The following DCHS1 variants were observed in gnomAD, a reference collection of about 807,000 sequenced individuals.
The protein encoded by DCHS1 is protocadherin-16.
In DCHS1, 78 loss-of-function variants were observed where a neutral mutation model predicts 213.9. The observed-to-expected ratio is 0.36, with a 90% CI of 0.30 to 0.44. DCHS1 has a LOEUF of 0.44. DCHS1 is among the 20% of genes least tolerant of loss of function. The pLI is 1.00. For missense variants in DCHS1, 3,946 were observed against 4,395.9 expected, an observed-to-expected ratio of 0.90 and a Z score of 2.89; for synonymous variants, 1,828 against 1,873.7, an observed-to-expected ratio of 0.98 and a Z score of 0.63.
chr11:6,635,014 G>C (rs1281726800), intron 2 of DCHS1: 1 of 152,212 alleles, frequency 6.6e-6, no homozygotes, highest in Non-Finnish European at 1.5e-5. Flanking sequence ...ACTGTACTTA[G>C]AAAGAAGAAA....
chr11:6,632,604 C>CCTCCAG lies in DCHS1; in HGVS notation c.2902_2907dup (p.Leu968_Glu969dup). 1 of 1,522,974 alleles carries CCTCCAG rather than the reference C, an allele frequency of 6.6e-7. No homozygotes were observed. Among genetic ancestry groups the CCTCCAG allele is most frequent in the Non-Finnish European group, 8.8e-7 (1 of 1,130,776 alleles). 94.3% of individuals were successfully genotyped at this position (1,522,974 alleles called of 1,614,324 possible). A position where few individuals can be genotyped will look rare whatever the true frequency, so the allele number is the denominator to read the frequency against. On this transcript the variant is annotated inframe_insertion, in exon 6 of 21. Transcript: ENST00000299441. This position sits in a 1 kb window ranked among gnomAD's most constrained non-coding sequence, Gnocchi z 5.9. ...CGTGGTGGGGAGCCCCCATCCCGGG[C>CCTCCAG]CTCCAGCTCCAGCTCATGGGCTGGC...
chr11:6,627,396 G>T lies in DCHS1; in HGVS notation c.5643C>A (p.Asp1881Glu). Reference sequence around the variant, plus strand: ...CATGGCCATTAGCTCCAGCATCAGGGTCATGAGCCTGTAGCTGCAGCAGCA... The same window carrying T: ...CATGGCCATTAGCTCCAGCATCAGGTTCATGAGCCTGTAGCTGCAGCAGCA... ...GTLLLQLQAH[D>E]PDAGANGHVT... The change falls in exon 14 of 21, where the codon GAC (aspartate) becomes GAA (glutamate). Residue 1881 changes from aspartate (D) to glutamate (E), a missense_variant. Coordinates refer to ENST00000299441, the MANE Select transcript of DCHS1 (RefSeq NM_003737.4). The surrounding 1 kb of genome is among the most constrained non-coding windows in gnomAD (Gnocchi z 5.4). The T allele has an allele frequency of 6.2e-7, 1 of 1,609,186 alleles. No homozygotes were observed. The highest frequency in any genetic ancestry group is 8.5e-7 in the Non-Finnish European group (1 of 1,177,842).
At position 6,655,793 on chromosome 11, in the gene DCHS1, A is replaced by T; in HGVS notation, c.-351T>A. The stretch of plus-strand genomic sequence containing the variant: ...CGCCTCCTGCACAGCCGCCCCGCCG[A>T]GGATGCGAGCTCCGCTGCCGCGGCC... On this transcript the variant is annotated 5_prime_UTR_variant, in exon 1 of 21. Transcript: ENST00000299441. 1.1e-6 allele frequency: 1 copy of T among 941,156 alleles called. No homozygotes were observed. The highest frequency in any genetic ancestry group is 1.2e-6 in the Non-Finnish European group (1 of 804,430). The allele number at this position is 941,156 out of a possible 1,614,324, so 58.3% of individuals were successfully genotyped here. A position where few individuals can be genotyped will look rare whatever the true frequency, so the allele number is the denominator to read the frequency against.
chr11:6,630,702 T>C lies in DCHS1; in HGVS notation c.4092A>G (p.Ala1364=), dbSNP rs745937309. 9.7e-6 allele frequency: 15 copies of C among 1,545,212 alleles called. No homozygotes were observed. The highest frequency in any genetic ancestry group is 1.3e-5 in the Non-Finnish European group (15 of 1,148,294). The change falls in exon 10 of 21, where the codon GCA becomes GCG. Residue 1364 remains alanine, a synonymous_variant. Coordinates refer to ENST00000299441, the MANE Select transcript of DCHS1 (RefSeq NM_003737.4). ...CACCGCCCACCAGTGTGTAGGTGAG[T>C]GCACCCACACCCGCGGGCTCTGGCG... The part of the protein sequence containing the change: ...VAAPEPAGVG[A]LTYTLVGGAD...
chr11:6,649,849 T>A (rs1400893389), intron 1 of DCHS1, among the ~76,000 whole-genome samples: 1 of 152,040 alleles, frequency 6.6e-6, no homozygotes, highest in Non-Finnish European at 1.5e-5. Context: ...GCAACCAGAA[T>A]GTTGAAGGAG....
chr11:6,648,585 A>G (rs983018281), intron 1 of DCHS1, among the ~76,000 whole-genome samples: 2 of 152,202 alleles, frequency 1.3e-5, no homozygotes, highest in African/African-American at 4.8e-5. Context: ...TCATTCACCA[A>G]TACATGCTTA....
intron 5 of DCHS1, 34 bp from the exon 6 acceptor site, chr11:6,633,090 T>A: frequency 6.4e-7 from 1 of 1,566,304 alleles, no homozygotes; most frequent in African/African-American, 1.3e-5. Flanking sequence ...AGGAAAGAGA[T>A]GGAGGGGCAC....
chr11:6,633,196 C>G (rs1855939450), intron 5 of DCHS1, 140 bp from the exon 6 acceptor site: 20 of 1,196,424 alleles, frequency 1.7e-5, no homozygotes, highest in Non-Finnish European at 2.1e-5. Flanking sequence ...CAGGGGTTGG[C>G]AAAGAAGTTG....
chr11:6,639,378 T>C (rs1856032600), intron 2 of DCHS1, among the ~76,000 whole-genome samples: 1 of 152,178 alleles, frequency 6.6e-6, no homozygotes, highest in Admixed American at 6.5e-5. Context: ...AAATGGCCTA[T>C]TAAGGCTCAG....
rs1298395789 is a variant in DCHS1 at position 6,626,162 on chromosome 11, C to A, written c.6576+7G>T. On this transcript the variant is annotated splice_region_variant and intron_variant, in intron 16 of 20. Coordinates refer to ENST00000299441, the MANE Select transcript of DCHS1 (RefSeq NM_003737.4). This position sits in a 1 kb window ranked among gnomAD's most constrained non-coding sequence, Gnocchi z 5.2. ...CCCCCGCCCAATCTTTCCATCACAC[C>A]CCGCACCTGCAGCAGGGGCCCCTCC... is the stretch of plus-strand genomic sequence containing the variant. 2 of 1,601,956 alleles carry A rather than the reference C, an allele frequency of 1.2e-6. No individual in the cohort carries two copies. Among genetic ancestry groups the A allele is most frequent in the Admixed American group, 1.7e-5 (1 of 58,038 alleles).
In DCHS1 at chr11:6,626,916, A is replaced by G. The variant is rs1273041218; in HGVS notation, c.6123T>C (p.Thr2041=). 3.1e-6 allele frequency: 5 copies of G among 1,613,620 alleles called. No individual in the cohort carries two copies. In the Admixed American group the frequency reaches 6.7e-5, roughly 22 times the overall value. ...PRDRVLFIVA[T]DLGRPARSAT... Reference sequence around the variant, plus strand: ...CAGAGCGAGCTGGACGGCCAAGATCAGTGGCCACAATGAAGAGGACACGAT... The same window carrying G: ...CAGAGCGAGCTGGACGGCCAAGATCGGTGGCCACAATGAAGAGGACACGAT... Residue 2041 remains threonine, a synonymous_variant, in exon 14 of 21, where the codon ACT becomes ACC. Coordinates refer to ENST00000299441, the MANE Select transcript of DCHS1 (RefSeq NM_003737.4). This position sits in a 1 kb window ranked among gnomAD's most constrained non-coding sequence, Gnocchi z 5.2.
intron 3 of DCHS1, 21 bp from the exon 4 acceptor site, chr11:6,634,041 A>G (rs752374307): frequency 7.4e-6 from 12 of 1,611,240 alleles, no homozygotes; most frequent in Admixed American, 1.7e-5. Flanking sequence ...ATGCAGCCAT[A>G]GGTCAGGTGG....
intron 1 of DCHS1, among the ~76,000 whole-genome samples, chr11:6,650,394 T>C (rs1202161571): frequency 6.6e-6 from 1 of 151,886 alleles, no homozygotes; most frequent in African/African-American, 2.4e-5. Context: ...CTAGGGAAGA[T>C]GGATACAGGA....
rs1474871682 is a variant in DCHS1 at position 6,622,133 on chromosome 11, T to C, written c.9543A>G (p.Thr3181=). The C allele has an allele frequency of 6.2e-7, 1 of 1,612,812 alleles. No homozygotes were observed. Among genetic ancestry groups the C allele is most frequent in the African/African-American group, 1.3e-5 (1 of 74,888 alleles). The change falls in exon 21 of 21, where the codon ACA becomes ACG. Residue 3181 remains threonine (T), a synonymous_variant. Coordinates refer to ENST00000299441, the MANE Select transcript of DCHS1 (RefSeq NM_003737.4). This position sits in a 1 kb window ranked among gnomAD's most constrained non-coding sequence, Gnocchi z 5.4. ...PQFQPLASVF[T]EIARLKDEAR... ...CTTCATCCTTGAGCCGAGCGATCTC[T>C]GTGAAGACACTGGCCAGTGGTTGGA...
At chr11:6,643,141 G>C (rs979049726) in intron 1 of DCHS1, among the ~76,000 whole-genome samples, 2 of 152,124 alleles carry the variant, frequency 1.3e-5, no homozygotes, top group Non-Finnish European at 2.9e-5. Context: ...TGAGTCTAAG[G>C]GAGGTTTCAA....
In DCHS1 at chr11:6,621,813, A is replaced by T. The variant is rs973008131; in HGVS notation, c.9863T>A (p.Leu3288Gln). Residue 3288 changes from leucine (L) to glutamine (Q), a missense_variant, in exon 21 of 21, where the codon CTG (leucine) becomes CAG (glutamine). Transcript: ENST00000299441. The stretch of plus-strand genomic sequence containing the variant: ...CAGCTCCGTGTCATCAGGTGGCTCC[A>T]GGCCAGACTCTGCGCTGAGTGCTGA... Reference protein sequence around the residue: ...SASALSAESGLEPPDDTELHI With the variant: ...SASALSAESGQEPPDDTELHI 1 of 1,603,052 alleles carries T rather than the reference A, an allele frequency of 6.2e-7. No individual in the cohort carries two copies. The highest frequency in any genetic ancestry group is 8.5e-7 in the Non-Finnish European group (1 of 1,175,308).
intron 6 of DCHS1, 72 bp downstream of exon 6, chr11:6,631,959 G>C: frequency 6.8e-7 from 1 of 1,468,284 alleles, no homozygotes. Flanking sequence ...TGGGGGTTGG[G>C]GATCCTGTCT....
At chr11:6,635,027 G>A (rs1021755649) in intron 2 of DCHS1, 1 of 152,200 alleles carries the variant, frequency 6.6e-6, no homozygotes, top group African/African-American at 2.4e-5. Flanking sequence ...AGAAGAAAGG[G>A]CTGTGACCTC....
chr11:6,648,326 G>T (rs1342656634), intron 1 of DCHS1, among the ~76,000 whole-genome samples: 1 of 152,154 alleles, frequency 6.6e-6, no homozygotes, highest in African/African-American at 2.4e-5. Flanking sequence ...TCTTCCTGGG[G>T]GCAGTATCAC....
Sources: gnomAD v4.1 joint callset for allele counts (sites outside exome capture counted in the v4.1 genomes callset) on GRCh38, gnomAD v4.1.1 for gene constraint, Gnocchi (gnomAD v3.1) non-coding constraint, MANE v1.5 for transcripts, NCBI Gene and HGNC (gene_info 2026-07-23, HGNC 2026-07-21) for gene names.